Variants in NPAS3 observed in about 807,000 individuals in gnomAD.
The protein encoded by NPAS3 is neuronal PAS domain protein 3.
In NPAS3, 14 loss-of-function variants were observed where a neutral mutation model predicts 73.1. The observed-to-expected ratio is 0.19, with a 90% CI of 0.13 to 0.30. The LOEUF (loss-of-function observed/expected upper bound fraction) is 0.30. Among genes scored for constraint, NPAS3 ranks in the 10% least tolerant of loss-of-function variants. The pLI, the probability that NPAS3 is intolerant of heterozygous loss-of-function variation, is 1.00. For missense variants in NPAS3, 1,096 were observed against 1,250.0 expected, an observed-to-expected ratio of 0.88 and a Z score of 1.86; for synonymous variants, 620 against 541.5, an observed-to-expected ratio of 1.14 and a Z score of -2.01.
intron 5 of NPAS3, among the ~76,000 whole-genome samples, chr14:33,593,839 G>A (rs371580997): frequency 9.8e-5 from 15 of 152,300 alleles, no homozygotes; most frequent in African/African-American, 3.6e-4. Context: ...CAATGTGAGT[G>A]AACTTGTGTA....
intron 2 of NPAS3, among the ~76,000 whole-genome samples, chr14:33,166,462 A>T (rs1269852802): frequency 1.3e-5 from 2 of 152,054 alleles, no homozygotes; most frequent in East Asian, 3.9e-4. Context: ...TTGCATGCAC[A>T]TCTGTCTCCC....
At chr14:33,721,211 C>A (rs998050382) in intron 6 of NPAS3, among the ~76,000 whole-genome samples, 5 of 152,088 alleles carry the variant, frequency 3.3e-5, no homozygotes, top group South Asian at 2.1e-4. Context: ...TTAAGACCAC[C>A]TCTGTCTTCC....
rs879413933 is a variant in NPAS3 at position 33,243,768 on chromosome 14, T to TA, written c.385+28354dup. Among the ~76,000 whole-genome samples, 1,066 of 144,122 alleles carry TA rather than the reference T, an allele frequency of 7.4e-3. 7 individuals are homozygous for TA. Among genetic ancestry groups the TA allele is most frequent in the African/African-American group, 0.025 (978 of 39,400 alleles). 94.5% of individuals were successfully genotyped at this position (144,122 alleles called of 152,430 possible). ...AAACACATAAGCCAGCTCTACCAAT[T>TA]AAAAAAAAAAAAGTACAAGCTGAAG... is the stretch of plus-strand genomic sequence containing the variant. On this transcript the variant is annotated intron_variant, in intron 3 of 11. Transcript: ENST00000356141.
chr14:33,373,951 G>A (rs1247204299), intron 4 of NPAS3, among the ~76,000 whole-genome samples: 1 of 152,174 alleles, frequency 6.6e-6, no homozygotes, highest in African/African-American at 2.4e-5. Context: ...CTCAACATAA[G>A]TGGGGGAATG....
chr14:33,060,700 G>T (rs2041067088), intron 2 of NPAS3, among the ~76,000 whole-genome samples: 1 of 152,222 alleles, frequency 6.6e-6, no homozygotes, highest in South Asian at 2.1e-4. Flanking sequence ...TCGGCACAGA[G>T]TTGTGATTGT....
chr14:33,484,852 A>G (rs1232844778), intron 4 of NPAS3, among the ~76,000 whole-genome samples: 4 of 152,148 alleles, frequency 2.6e-5, no homozygotes, highest in African/African-American at 9.6e-5. Flanking sequence ...AATCAAGGTG[A>G]GGGGAATTGC....
At chr14:33,136,058 CTTTTTTTTTT>C (rs34308954) in intron 2 of NPAS3, among the ~76,000 whole-genome samples, 4,988 of 115,526 alleles carry the variant, frequency 0.043, 292 homozygotes, top group African/African-American at 0.15. Context: ...TACCTTTTTT[CTTTTTTTTTT>C]TTTTTTTTTT....
chr14:33,662,947 G>A (rs559911011), intron 5 of NPAS3, among the ~76,000 whole-genome samples: 7 of 130,548 alleles, frequency 5.4e-5, no homozygotes, highest in South Asian at 2.7e-4. Flanking sequence ...TGCAACCTCC[G>A]CCTCCTGGGT....
At chr14:33,716,964 AAAT>A (rs1175285962) in intron 6 of NPAS3, among the ~76,000 whole-genome samples, 1 of 152,070 alleles carries the variant, frequency 6.6e-6, no homozygotes, top group Admixed American at 6.6e-5. Flanking sequence ...TGTTTCATTT[AAAT>A]GTGTTATAAA....
intron 3 of NPAS3, among the ~76,000 whole-genome samples, chr14:33,306,083 C>T (rs2042742545): frequency 6.6e-6 from 1 of 151,684 alleles, no homozygotes; most frequent in South Asian, 2.1e-4. Context: ...TAAGTTAGGA[C>T]AAAACAAAAG....
At chr14:33,194,452 C>G (rs751424804) in intron 2 of NPAS3, among the ~76,000 whole-genome samples, 3 of 152,250 alleles carry the variant, frequency 2.0e-5, no homozygotes, top group Middle Eastern at 3.4e-3. Flanking sequence ...CTGCCTCAGT[C>G]TACAGAAGAT....
At chr14:33,165,150 A>G (rs984540555) in intron 2 of NPAS3, among the ~76,000 whole-genome samples, 2 of 152,100 alleles carry the variant, frequency 1.3e-5, no homozygotes, top group African/African-American at 4.8e-5. Context: ...ACTAGGTGCC[A>G]GGCATTGGAC....
At chr14:33,329,138 G>A (rs373975185) in intron 3 of NPAS3, among the ~76,000 whole-genome samples, 16 of 152,092 alleles carry the variant, frequency 1.1e-4, no homozygotes, top group African/African-American at 3.9e-4. Context: ...CTTATGGAAT[G>A]GACATCCATT....
At chr14:33,121,883 T>C (rs1195958926) in intron 2 of NPAS3, among the ~76,000 whole-genome samples, 6 of 152,164 alleles carry the variant, frequency 3.9e-5, no homozygotes, top group African/African-American at 1.4e-4. Flanking sequence ...AAATTGTATC[T>C]CACTTATTAC....
chr14:33,722,513 G>A (rs1172721946), intron 6 of NPAS3, among the ~76,000 whole-genome samples: 2 of 152,158 alleles, frequency 1.3e-5, no homozygotes, highest in Non-Finnish European at 2.9e-5. Context: ...TGGAAATGAT[G>A]CCTACACATA....
chr14:33,255,572 T>G (rs1479704735), intron 3 of NPAS3, among the ~76,000 whole-genome samples: 1 of 152,190 alleles, frequency 6.6e-6, no homozygotes, highest in Non-Finnish European at 1.5e-5. Context: ...AGTTTCTTTC[T>G]TCTCCATGAT....
At chr14:33,158,877 T>C (rs980571038) in intron 2 of NPAS3, among the ~76,000 whole-genome samples, 11 of 152,140 alleles carry the variant, frequency 7.2e-5, no homozygotes, top group Non-Finnish European at 1.3e-4. Context: ...TTTACAAAAT[T>C]ACTGGCCGGG....
chr14:33,211,846 T>C (rs977511506), intron 2 of NPAS3, among the ~76,000 whole-genome samples: 4 of 152,166 alleles, frequency 2.6e-5, no homozygotes, highest in African/African-American at 9.6e-5. Context: ...AGAATCTCTT[T>C]TCTGCTATTC....
At chr14:33,251,883 C>CT (rs944341679) in intron 3 of NPAS3, among the ~76,000 whole-genome samples, 19 of 151,938 alleles carry the variant, frequency 1.3e-4, no homozygotes, top group African/African-American at 3.9e-4. Flanking sequence ...TCTGCTTTCT[C>CT]TTTTTTTTAG....
Sources: allele counts gnomAD v4.1 joint callset (sites outside exome capture counted in the v4.1 genomes callset), GRCh38; gene constraint gnomAD v4.1.1; transcripts MANE v1.5; gene names NCBI Gene and HGNC (gene_info 2026-07-23, HGNC 2026-07-21).